PIGG: variants seen among roughly 807,000 people sequenced by gnomAD.
PIGG encodes GPI ethanolamine phosphate transferase 2, catalytic subunit.
A neutral mutation model predicts 83.2 loss-of-function variants in PIGG; 70 were observed. That is an observed-to-expected ratio of 0.84 (90% CI 0.69 to 1.03). The LOEUF is 1.03. Ranked by LOEUF, PIGG falls within the 50% of genes least tolerant of loss-of-function variation. The pLI is 0.00. For synonymous variants in PIGG, 532 were observed against 519.5 expected, an observed-to-expected ratio of 1.02 and a Z score of -0.33; for missense variants, 1,257 against 1,233.6, an observed-to-expected ratio of 1.02 and a Z score of -0.28.
rs782516530 is a variant in PIGG, at chr4:505,754, G to A, written c.397G>A (p.Val133Ile). The A allele has an allele frequency of 3.0e-5, 49 of 1,613,256 alleles. No homozygotes were observed. The highest frequency in any genetic ancestry group is 2.2e-4 in the East Asian group (10 of 44,864). ...MTGSLPGFVD[V>I]IRNLNSPALL... is the part of the protein sequence containing the mutation. ...GGGGAGCCTTCCTGGCTTTGTCGAC[G>A]TCATCAGGAACCTCAATTCTCCTGC... The change falls in exon 3 of 13, where the codon GTC (valine) becomes ATC (isoleucine). Residue 133 changes from valine to isoleucine, a missense_variant. Transcript: ENST00000453061.
At chr4:518,799 G>A (rs765240659) in intron 6 of PIGG, among the ~76,000 whole-genome samples, 3 of 152,140 alleles carry the variant, frequency 2.0e-5, no homozygotes, top group Admixed American at 2.0e-4. Flanking sequence ...TGTCTACACC[G>A]TCGGGGATCC....
At position 500,420 on chromosome 4, in the gene PIGG, T is replaced by C. The variant is rs1717231069; in HGVS notation, c.179T>C (p.Leu60Pro). The stretch of plus-strand genomic sequence containing the variant: ...GGAGCCAGTTCTAACTGGACCACGC[T>C]GCCACCACCTCTCTTCAGTAAAGTT... ...SAGASSNWTT[L>P]PPPLFSKVVI... Residue 60 changes from leucine (L) to proline (P), a missense_variant, in exon 2 of 13, where the codon CTG becomes CCG. Leu to Pro is a moderately conservative substitution (Grantham distance 98). Coordinates refer to ENST00000453061, the MANE Select transcript of PIGG (RefSeq NM_001127178.3). The C allele has an allele frequency of 6.2e-7, 1 of 1,613,938 alleles. No homozygotes were observed. The highest frequency in any genetic ancestry group is 8.5e-7 in the Non-Finnish European group (1 of 1,179,804).
rs1358773575 is a variant in PIGG, at chr4:539,537, T to C, written c.*168T>C. 8.4e-6 allele frequency: 5 copies of C among 593,854 alleles called. No individual in the cohort carries two copies. Among genetic ancestry groups the C allele is most frequent in the Non-Finnish European group, 1.5e-5 (5 of 336,002 alleles). 36.8% of individuals were successfully genotyped at this position (593,854 alleles called of 1,614,324 possible). On this transcript the variant is annotated 3_prime_UTR_variant, in exon 13 of 13. Coordinates refer to ENST00000453061, the MANE Select transcript of PIGG (RefSeq NM_001127178.3). ...AAAGATCACTTTAATATACAGTTTG[T>C]ATCATATTTTCCCCCATTGACAATC...
In PIGG at chr4:528,432, G is replaced by T. The variant is rs931376267; in HGVS notation, c.2261+1202G>T. ...GTGGCCAGCCTGAGGGGTGGCCGTG[G>T]GGCTCCGGGGGCACCCCTGGAAGTA... On this transcript the variant is annotated intron_variant, in intron 10 of 12. Coordinates refer to ENST00000453061, the MANE Select transcript of PIGG (RefSeq NM_001127178.3). This position sits in a 1 kb window ranked among gnomAD's most constrained non-coding sequence, Gnocchi z 4.8. 4.1e-6 allele frequency: 4 copies of T among 985,392 alleles called. No homozygotes were observed. The highest frequency in any genetic ancestry group is 4.8e-6 in the Non-Finnish European group (4 of 829,910). 61.0% of individuals were successfully genotyped at this position (985,392 alleles called of 1,614,324 possible). A position where few individuals can be genotyped will look rare whatever the true frequency, so the allele number is the denominator to read the frequency against.
chr4:527,385 G>T, intron 10 of PIGG, 155 bp downstream of exon 10: 2 of 1,389,360 alleles, frequency 1.4e-6, no homozygotes, highest in Non-Finnish European at 1.9e-6. Context: ...AATTGTGATT[G>T]TGTCAACAGC....
chr4:529,622 G>A (rs1464098095), intron 10 of PIGG, among the ~76,000 whole-genome samples: 1 of 152,162 alleles, frequency 6.6e-6, no homozygotes, highest in Non-Finnish European at 1.5e-5. Context: ...AGGAACATAC[G>A]TGTTTTGTAA....
intron 3 of PIGG, among the ~76,000 whole-genome samples, chr4:507,151 G>A (rs1226428155): frequency 1.3e-5 from 2 of 152,188 alleles, no homozygotes; most frequent in Non-Finnish European, 2.9e-5. Flanking sequence ...TGTTGCCCAG[G>A]TGGGTCCTGA....
intron 4 of PIGG, 61 bp from the exon 5 acceptor site, chr4:508,768 T>G: frequency 6.6e-7 from 1 of 1,515,544 alleles, no homozygotes; most frequent in South Asian, 1.2e-5. Context: ...AATTGTCTTC[T>G]TAAGATGATG....
At chr4:533,746 G>A in intron 11 of PIGG, 72 bp from the exon 12 acceptor site, 1 of 1,428,036 alleles carries the variant, frequency 7.0e-7, no homozygotes, top group Non-Finnish European at 9.8e-7. Context: ...TAACATCGTG[G>A]CTCACGCTAA....
At chr4:505,052 T>G (rs1360744216) in intron 2 of PIGG, among the ~76,000 whole-genome samples, 1 of 152,120 alleles carries the variant, frequency 6.6e-6, no homozygotes, top group African/African-American at 2.4e-5. Context: ...GCTTGTCACG[T>G]GGAGATTTGA....
At chr4:500,257 A>C (rs112671726) in intron 1 of PIGG, 139 bp from the exon 2 acceptor site, 11 of 648,158 alleles carry the variant, frequency 1.7e-5, no homozygotes, top group African/African-American at 1.1e-4. Context: ...ACCAAGTACA[A>C]GTCGCCTCCT....
chr4:530,331 A>G, intron 10 of PIGG, 105 bp from the exon 11 acceptor site: 1 of 796,692 alleles, frequency 1.3e-6, no homozygotes, highest in Non-Finnish European at 2.1e-6. Context: ...GCAGTGCTGG[A>G]CATTTACTGG....
intron 8 of PIGG, chr4:522,467 C>T (rs757210696): frequency 3.0e-5 from 6 of 199,450 alleles, no homozygotes; most frequent in East Asian, 2.2e-4. Context: ...TCCTTGGCCT[C>T]GGACACCTTC....
At chr4:533,760 C>A in intron 11 of PIGG, 58 bp from the exon 12 acceptor site, 1 of 1,533,780 alleles carries the variant, frequency 6.5e-7, no homozygotes, top group South Asian at 1.1e-5. Context: ...ACGCTAACAT[C>A]GTGGCTGTTG....
intron 3 of PIGG, chr4:506,972 G>C (rs1233795249): frequency 3.2e-6 from 1 of 309,112 alleles, no homozygotes; most frequent in Non-Finnish European, 6.7e-6. Context: ...TGCCCATTAA[G>C]CCCAGCAGTG....
chr4:499,249 A>C lies in PIGG; in HGVS notation c.-87A>C. ...GATAAGGCCTGGCGTTATTGCTTAG[A>C]GGCGGCTACCTGGAGCCGGAAGCGC... On this transcript the variant is annotated 5_prime_UTR_variant, in exon 1 of 13. Coordinates refer to ENST00000453061, the MANE Select transcript of PIGG (RefSeq NM_001127178.3). 6.9e-7 allele frequency: 1 copy of C among 1,439,320 alleles called. No individual in the cohort carries two copies. Among genetic ancestry groups the C allele is most frequent in the Non-Finnish European group, 9.5e-7 (1 of 1,055,406 alleles). The allele number at this position is 1,439,320 out of a possible 1,614,324, so 89.2% of individuals were successfully genotyped here. A position where few individuals can be genotyped will look rare whatever the true frequency, so the allele number is the denominator to read the frequency against.
At chr4:516,854 C>CAAAAAAAAAAA (rs1178401194) in intron 6 of PIGG, among the ~76,000 whole-genome samples, 1 of 46,510 alleles carries the variant, frequency 2.2e-5, no homozygotes, top group Non-Finnish European at 4.1e-5. Context: ...GACTCTGCCT[C>CAAAAAAAAAAA]AAAAAAAAAA....
At position 507,648 on chromosome 4, in the gene PIGG, T is replaced by C. The variant is rs1553880597; in HGVS notation, c.759+55T>C. 11 of 1,445,252 alleles carry C rather than the reference T, an allele frequency of 7.6e-6. No individual in the cohort carries two copies. In the African/African-American group the frequency reaches 1.1e-4, roughly 15 times the overall value. The allele number at this position is 1,445,252 out of a possible 1,614,324, so 89.5% of individuals were successfully genotyped here. ...GATGTGGTTTCACGTGGATGTTCCC[T>C]AGAATAAATGCAACCGCCTGAGTTA... On this transcript the variant is annotated intron_variant, in intron 4 of 12. Coordinates refer to ENST00000453061, the MANE Select transcript of PIGG (RefSeq NM_001127178.3).
intron 2 of PIGG, chr4:501,575 T>C (rs551116118): frequency 9.3e-5 from 15 of 161,096 alleles, no homozygotes; most frequent in Admixed American, 1.3e-4. Context: ...GAGCTACTTA[T>C]TGATTTAAGG....
Sources: allele counts gnomAD v4.1 joint callset (sites outside exome capture counted in the v4.1 genomes callset), GRCh38; gene constraint gnomAD v4.1.1; non-coding constraint Gnocchi (gnomAD v3.1); transcripts MANE v1.5; gene names NCBI Gene and HGNC (gene_info 2026-07-23, HGNC 2026-07-21).